The following PITPNB variants were observed in gnomAD, a reference collection of about 807,000 sequenced individuals.
PITPNB encodes the protein phosphatidylinositol transfer protein beta.
A neutral mutation model predicts 45.9 loss-of-function variants in PITPNB; 16 were observed. The observed-to-expected ratio is 0.35, with a 90% CI of 0.24 to 0.53. PITPNB has a LOEUF of 0.53. Among genes scored for constraint, PITPNB ranks in the 20% least tolerant of loss-of-function variants. The pLI, the probability that PITPNB is intolerant of heterozygous loss-of-function variation, is 0.93. For missense variants in PITPNB, 188 were observed against 330.5 expected (o/e 0.57, Z 3.34); for synonymous variants, 112 against 108.9 (o/e 1.03, Z -0.18).
chr22:27,896,718 T>C, intron 5 of PITPNB, 92 bp from the exon 6 acceptor site: 3 of 772,138 alleles, frequency 3.9e-6, no homozygotes, highest in Non-Finnish European at 6.8e-6. Flanking sequence ...TAGGCATCCA[T>C]GCTTTGACTC....
At chr22:27,858,293 C>A in intron 10 of PITPNB, 94 bp downstream of exon 10, 1 of 983,164 alleles carries the variant, frequency 1.0e-6, no homozygotes, top group Non-Finnish European at 1.5e-6. Flanking sequence ...TTTTTAACAA[C>A]ACTCTTCCTA....
chr22:27,873,711 C>T, intron 8 of PITPNB, 27 bp downstream of exon 8: 3 of 1,417,124 alleles, frequency 2.1e-6, no homozygotes, highest in Non-Finnish European at 2.0e-6. Flanking sequence ...CAAGACTCTG[C>T]CTGTCAGAAA....
chr22:27,897,776 A>C (rs1346022056), intron 4 of PITPNB, 25 bp downstream of exon 4: 2 of 1,489,186 alleles, frequency 1.3e-6, no homozygotes, highest in South Asian at 2.3e-5. Flanking sequence ...GGAGGGGTGC[A>C]ATGGCTGCTG....
At chr22:27,919,086 T>C (rs1233045764) in intron 1 of PITPNB, 86 bp downstream of exon 1, 1 of 1,607,636 alleles carries the variant, frequency 6.2e-7, no homozygotes, top group African/African-American at 1.3e-5. Context: ...CTGACTCCGA[T>C]TTAGGAATAT....
rs71194746 is a variant in PITPNB at position 27,885,212 on chromosome 22, T to TAAAAAAAAAAAAAAAAAAAA, written c.456+9323_456+9342dup. On this transcript the variant is annotated intron_variant, in intron 7 of 11. Transcript: ENST00000335272. The stretch of plus-strand genomic sequence containing the variant: ...AAAGAGCCAGATTCAAATTTATACC[T>TAAAAAAAAAAAAAAAAAAAA]AAAAAAAAAAAAAAAAAAAAAAAAA... Among the ~76,000 whole-genome samples the TAAAAAAAAAAAAAAAAAAAA allele has an allele frequency of 6.6e-4, 20 of 30,232 alleles. 7 individuals carry two copies. Among genetic ancestry groups the TAAAAAAAAAAAAAAAAAAAA allele is most frequent in the Non-Finnish European group, 9.1e-4 (14 of 15,434 alleles). The allele number at this position is 30,232 out of a possible 152,430, so 19.8% of individuals were successfully genotyped here. A position where few individuals can be genotyped will look rare whatever the true frequency, so the allele number is the denominator to read the frequency against.
chr22:27,896,556 T>C lies in PITPNB; in HGVS notation c.368A>G (p.Glu123Gly), dbSNP rs1233425588. The stretch of plus-strand genomic sequence containing the variant: ...AAGTGCAGAGTTGAAACTTACATTT[T>C]CTAATGTTCCCAAGTCTGGTTTGTG... ...TWHKPDLGTL[E>G]NVHGLDPNTW... The change falls in exon 6 of 12, where the codon GAA (glutamate) becomes GGA (glycine). Residue 123 changes from glutamate to glycine, a missense_variant. By Grantham distance (98) the Glu-to-Gly change is moderately conservative. Coordinates refer to ENST00000335272, the MANE Select transcript of PITPNB (RefSeq NM_012399.5). 1 of 1,604,882 alleles carries C rather than the reference T, an allele frequency of 6.2e-7. No homozygotes were observed. The highest frequency in any genetic ancestry group is 1.7e-4 in the Middle Eastern group (1 of 6,048).
At chr22:27,916,694 T>C (rs373881123) in intron 1 of PITPNB, among the ~76,000 whole-genome samples, 2 of 152,026 alleles carry the variant, frequency 1.3e-5, no homozygotes, top group Non-Finnish European at 1.5e-5. Flanking sequence ...TCCCAGCTAC[T>C]TGGGAGGCTG....
intron 8 of PITPNB, among the ~76,000 whole-genome samples, chr22:27,866,960 C>T (rs1452740984): frequency 6.6e-6 from 1 of 152,090 alleles, no homozygotes; most frequent in Non-Finnish European, 1.5e-5. Flanking sequence ...AAGCAGAACC[C>T]CATTCCCCAA....
chr22:27,884,434 A>G (rs1163621452), intron 7 of PITPNB, among the ~76,000 whole-genome samples: 5 of 152,232 alleles, frequency 3.3e-5, no homozygotes, highest in African/African-American at 7.2e-5. Flanking sequence ...GTAGCCCACA[A>G]AACAGGGACC....
chr22:27,902,983 A>G lies in PITPNB; in HGVS notation c.198-5091T>C, dbSNP rs1048958695. On this transcript the variant is annotated intron_variant, in intron 3 of 11. Transcript: ENST00000335272. ...TGGCCTCAAGCAATCCTCCCACCTC[A>G]GCCTCTTAGGTAGCTGGGACTATAG... Among the ~76,000 whole-genome samples the G allele has an allele frequency of 3.3e-5, 5 of 152,272 alleles. No homozygotes were observed. In the East Asian group the frequency reaches 9.7e-4, roughly 29 times the overall value.
intron 7 of PITPNB, among the ~76,000 whole-genome samples, chr22:27,876,036 G>A (rs1054551356): frequency 6.6e-6 from 1 of 152,140 alleles, no homozygotes; most frequent in African/African-American, 2.4e-5. Flanking sequence ...CAGAATCATA[G>A]AAGTAAAGTG....
At position 27,853,547 on chromosome 22, in the gene PITPNB, G is replaced by A; in HGVS notation, c.*155C>T. On this transcript the variant is annotated 3_prime_UTR_variant, in exon 12 of 12. Transcript: ENST00000335272. ...CACGTGGTTGAGAACCTGTGCATGT[G>A]TGTGTATCATCACAAGCACACATCT... The A allele has an allele frequency of 8.2e-7, 1 of 1,224,236 alleles. No homozygotes were observed. Among genetic ancestry groups the A allele is most frequent in the Non-Finnish European group, 1.2e-6 (1 of 848,972 alleles). The allele number at this position is 1,224,236 out of a possible 1,614,324, so 75.8% of individuals were successfully genotyped here.
intron 7 of PITPNB, among the ~76,000 whole-genome samples, chr22:27,888,881 G>T (rs535025149): frequency 6.6e-6 from 1 of 152,348 alleles, no homozygotes; most frequent in African/African-American, 2.4e-5. Flanking sequence ...GAATGCTCAA[G>T]TGGCAGCTCG....
chr22:27,889,338 T>C (rs1935208720), intron 7 of PITPNB, among the ~76,000 whole-genome samples: 1 of 152,094 alleles, frequency 6.6e-6, no homozygotes, highest in Admixed American at 6.5e-5. Context: ...ATTCATTTAT[T>C]AACAGGAATT....
At chr22:27,887,195 C>T (rs1935145962) in intron 7 of PITPNB, among the ~76,000 whole-genome samples, 1 of 152,216 alleles carries the variant, frequency 6.6e-6, no homozygotes, top group African/African-American at 2.4e-5. Context: ...GGTGTTACCA[C>T]TAAACACAGG....
intron 8 of PITPNB, among the ~76,000 whole-genome samples, chr22:27,869,082 C>T (rs904001201): frequency 1.2e-4 from 18 of 152,122 alleles, no homozygotes; most frequent in African/African-American, 4.1e-4. Context: ...CAGGTACACA[C>T]ACACACACAC....
chr22:27,857,400 C>T (rs1209106768), intron 10 of PITPNB, among the ~76,000 whole-genome samples: 1 of 152,178 alleles, frequency 6.6e-6, no homozygotes, highest in Non-Finnish European at 1.5e-5. Context: ...AGCAGATCTG[C>T]TGTAATCACC....
At chr22:27,853,981 A>C (rs1934101111) in intron 11 of PITPNB, among the ~76,000 whole-genome samples, 1 of 151,240 alleles carries the variant, frequency 6.6e-6, no homozygotes. Flanking sequence ...GTTTGGGGGG[A>C]ATCTTGGAAG....
chr22:27,902,550 CAAA>C (rs1935629766), intron 3 of PITPNB, among the ~76,000 whole-genome samples: 1 of 151,892 alleles, frequency 6.6e-6, no homozygotes, highest in South Asian at 2.1e-4. Context: ...AAAATTAACT[CAAA>C]ATGGATAAAG....
Sources: allele counts gnomAD v4.1 joint callset (sites outside exome capture counted in the v4.1 genomes callset), GRCh38; gene constraint gnomAD v4.1.1; transcripts MANE v1.5; gene names NCBI Gene and HGNC (gene_info 2026-07-23, HGNC 2026-07-21).